The following ABHD17B variants were observed in gnomAD, a reference collection of about 807,000 sequenced individuals.
ABHD17B encodes alpha/beta hydrolase domain-containing protein 17B.
A neutral mutation model predicts 26.2 loss-of-function variants in ABHD17B; 9 were observed. The ratio of observed to expected loss-of-function variants is 0.34; its 90% CI spans 0.21 to 0.60. The LOEUF is 0.60. ABHD17B is among the 20% of genes least tolerant of loss of function. The pLI is 0.80. For synonymous variants in ABHD17B, 127 were observed against 122.3 expected, an observed-to-expected ratio of 1.04 and a Z score of -0.25; for missense variants, 224 against 352.1, an observed-to-expected ratio of 0.64 and a Z score of 2.91.
At position 71,903,955 on chromosome 9, in the gene ABHD17B, G is replaced by A. The variant is rs548709751; in HGVS notation, c.-4+6679C>T. Reference sequence around the variant, plus strand: ...GAATTCAGGTTAAGTTAATTAGCTTGTCAAGTTCACACAACTTAAAGGTGG... The same window carrying A: ...GAATTCAGGTTAAGTTAATTAGCTTATCAAGTTCACACAACTTAAAGGTGG... On this transcript the variant is annotated intron_variant, in intron 1 of 3. Coordinates refer to ENST00000333421, the MANE Select transcript of ABHD17B (RefSeq NM_001025780.3). Among the ~76,000 whole-genome samples, 5 of 152,248 alleles carry A rather than the reference G, an allele frequency of 3.3e-5. No homozygotes were observed. In the East Asian group the frequency reaches 7.7e-4, roughly 23 times the overall value.
intron 2 of ABHD17B, among the ~76,000 whole-genome samples, chr9:71,871,103 C>T (rs1352427959): frequency 6.6e-6 from 1 of 152,292 alleles, no homozygotes; most frequent in East Asian, 1.9e-4. Context: ...TGAATGTGGG[C>T]TTAAAGGTTA....
intron 2 of ABHD17B, among the ~76,000 whole-genome samples, chr9:71,873,103 A>T (rs1477852801): frequency 6.6e-6 from 1 of 152,016 alleles, no homozygotes; most frequent in Non-Finnish European, 1.5e-5. Context: ...AATTAGAAAC[A>T]GTAAGTTTTC....
chr9:71,892,655 G>C (rs183327444), intron 1 of ABHD17B, among the ~76,000 whole-genome samples: 12 of 151,668 alleles, frequency 7.9e-5, no homozygotes, highest in South Asian at 2.1e-4. Flanking sequence ...ATTAATTTGG[G>C]GGGGGGAAGG....
At chr9:71,900,985 T>TA (rs746060379) in intron 1 of ABHD17B, among the ~76,000 whole-genome samples, 13 of 151,608 alleles carry the variant, frequency 8.6e-5, no homozygotes, top group East Asian at 2.0e-4. Flanking sequence ...CCGTCTCTCC[T>TA]AAAAAAAATA....
intron 1 of ABHD17B, among the ~76,000 whole-genome samples, chr9:71,877,459 C>A (rs1465752707): frequency 6.6e-6 from 1 of 152,230 alleles, no homozygotes; most frequent in Non-Finnish European, 1.5e-5. Flanking sequence ...ACTCTATCGC[C>A]CAGGCTGGAG....
chr9:71,910,090 C>T (rs1343127014), intron 1 of ABHD17B, among the ~76,000 whole-genome samples: 1 of 152,004 alleles, frequency 6.6e-6, no homozygotes, highest in African/African-American at 2.4e-5. Context: ...AGAAAAAGAA[C>T]CCTACGACAG....
At chr9:71,894,843 C>A (rs1224434427) in intron 1 of ABHD17B, among the ~76,000 whole-genome samples, 2 of 150,418 alleles carry the variant, frequency 1.3e-5, no homozygotes, top group African/African-American at 2.5e-5. Flanking sequence ...AAAAAAGTTT[C>A]TTTTGATTGT....
At chr9:71,885,198 A>T (rs1826568899) in intron 1 of ABHD17B, among the ~76,000 whole-genome samples, 1 of 152,066 alleles carries the variant, frequency 6.6e-6, no homozygotes, top group South Asian at 2.1e-4. Flanking sequence ...TAATCCCAGC[A>T]ATTTGGGAGG....
intron 1 of ABHD17B, among the ~76,000 whole-genome samples, chr9:71,897,507 C>T (rs1252316859): frequency 2.6e-5 from 4 of 152,246 alleles, no homozygotes; most frequent in African/African-American, 7.2e-5. Flanking sequence ...CAGGGGAAGA[C>T]CCTGTCTCAA....
At chr9:71,900,752 T>C (rs1461983656) in intron 1 of ABHD17B, among the ~76,000 whole-genome samples, 2 of 151,306 alleles carry the variant, frequency 1.3e-5, no homozygotes, top group Admixed American at 1.3e-4. Context: ...CTTGATACTA[T>C]CCCCCCCTCA....
intron 1 of ABHD17B, among the ~76,000 whole-genome samples, chr9:71,876,897 G>A (rs1430087398): frequency 2.0e-5 from 3 of 152,154 alleles, no homozygotes; most frequent in East Asian, 1.9e-4. Flanking sequence ...ATTAGGAAAT[G>A]CTTTAATTGC....
chr9:71,868,642 T>TAAAA (rs1193878594), intron 3 of ABHD17B, among the ~76,000 whole-genome samples: 1 of 152,214 alleles, frequency 6.6e-6, no homozygotes. Context: ...GTAGAGGAAT[T>TAAAA]AAAACTTGAA....
chr9:71,896,697 C>CAT (rs1186396076), intron 1 of ABHD17B, among the ~76,000 whole-genome samples: 1 of 151,614 alleles, frequency 6.6e-6, no homozygotes, highest in Non-Finnish European at 1.5e-5. Flanking sequence ...CACACACACA[C>CAT]ACACACATAT....
intron 1 of ABHD17B, among the ~76,000 whole-genome samples, chr9:71,883,029 A>G (rs1272317614): frequency 2.1e-5 from 1 of 48,360 alleles, no homozygotes; most frequent in African/African-American, 4.5e-5. Context: ...CTGTAATCCC[A>G]GCTACTCAGA....
intron 1 of ABHD17B, among the ~76,000 whole-genome samples, chr9:71,906,452 T>C (rs1827287407): frequency 6.6e-6 from 1 of 152,222 alleles, no homozygotes; most frequent in Non-Finnish European, 1.5e-5. Flanking sequence ...TAATTACTAC[T>C]ATTTCTTTTA....
intron 1 of ABHD17B, among the ~76,000 whole-genome samples, chr9:71,883,143 AAAAC>A (rs981526772): frequency 3.9e-5 from 6 of 152,346 alleles, no homozygotes; most frequent in Middle Eastern, 3.4e-3. Flanking sequence ...ACTCCATCTC[AAAAC>A]AAACAAACAA....
intron 2 of ABHD17B, among the ~76,000 whole-genome samples, chr9:71,871,356 C>T (rs554388947): frequency 6.6e-6 from 1 of 152,312 alleles, no homozygotes; most frequent in South Asian, 2.1e-4. Flanking sequence ...GTCAGTACTA[C>T]ACAAGCATTT....
In ABHD17B at chr9:71,873,516, G is replaced by C. The variant is rs1396893138; in HGVS notation, c.467+1098C>G. 2.0e-5 allele frequency among the ~76,000 whole-genome samples: 3 copies of C among 151,944 alleles called. No individual in the cohort carries two copies. In the East Asian group the frequency reaches 5.8e-4, roughly 29 times the overall value. ...AGGTTCAAGTGATTCTCCTGCCTCA[G>C]CTTCCCGAATACCTGGGATTACAGG... On this transcript the variant is annotated intron_variant, in intron 2 of 3. Transcript: ENST00000333421.
intron 1 of ABHD17B, among the ~76,000 whole-genome samples, chr9:71,900,393 G>A (rs1036508777): frequency 7.2e-5 from 11 of 152,200 alleles, no homozygotes; most frequent in Middle Eastern, 3.4e-3. Flanking sequence ...GTTCGGGGAC[G>A]GTGGCTCGTG....
Sources: allele counts gnomAD v4.1 joint callset (sites outside exome capture counted in the v4.1 genomes callset), GRCh38; gene constraint gnomAD v4.1.1; transcripts MANE v1.5; gene names NCBI Gene and HGNC (gene_info 2026-07-23, HGNC 2026-07-21).